The following RBFOX1 variants were observed in gnomAD, a reference collection of about 807,000 sequenced individuals.
RBFOX1 encodes RNA binding protein fox-1 homolog 1.
Under a neutral mutation model 57.7 loss-of-function variants are expected in RBFOX1, and 8 were observed. That is an observed-to-expected ratio of 0.14 (90% CI 0.08 to 0.25). RBFOX1 has a LOEUF of 0.25. Ranked by LOEUF, RBFOX1 falls within the 10% of genes least tolerant of loss-of-function variation. The pLI is 1.00. For missense variants in RBFOX1, 611 were observed against 548.5 expected (o/e 1.11, Z -1.14); for synonymous variants, 326 against 222.4 (o/e 1.47, Z -4.15).
chr16:6,721,561 G>A (rs962140942), intron 3 of RBFOX1, among the ~76,000 whole-genome samples: 4 of 152,120 alleles, frequency 2.6e-5, no homozygotes, highest in African/African-American at 9.7e-5. Flanking sequence ...TAAGATGGAA[G>A]CTTTATGTTT....
intron 3 of RBFOX1, among the ~76,000 whole-genome samples, chr16:6,936,747 C>G (rs1190668312): frequency 6.6e-6 from 1 of 151,894 alleles, no homozygotes; most frequent in East Asian, 1.9e-4. Flanking sequence ...AGGGTAATTC[C>G]ATACTGTATT....
intron 2 of RBFOX1, among the ~76,000 whole-genome samples, chr16:6,618,731 G>T (rs570475338): frequency 2.6e-5 from 4 of 152,182 alleles, no homozygotes; most frequent in Non-Finnish European, 5.9e-5. Flanking sequence ...CCTCACCACA[G>T]TGTCATAAAG....
At chr16:7,542,594 C>G (rs558860201) in intron 5 of RBFOX1, among the ~76,000 whole-genome samples, 2 of 151,682 alleles carry the variant, frequency 1.3e-5, no homozygotes, top group African/African-American at 2.4e-5. Context: ...GTGGCTCACA[C>G]CTGTAATCCC....
At position 5,523,680 on chromosome 16, in the gene RBFOX1, T is replaced by C. The variant is rs183295063; in HGVS notation, c.258+56426T>C. ...AAAAACCTGATACACTGATTTCCTT[T>C]CCTTTGGAAAAATACCCAGTAGTGG... On this transcript the variant is annotated intron_variant, in intron 2 of 2. Coordinates refer to the RBFOX1 transcript ENST00000585867. Among the ~76,000 whole-genome samples, 80 of 152,326 alleles carry C rather than the reference T, an allele frequency of 5.3e-4. 2 individuals carry two copies. The East Asian group carries it at 0.012, about 23-fold the overall frequency.
intron 15 of RBFOX1, chr16:7,710,232 T>C (rs917492739): frequency 5.7e-6 from 6 of 1,054,882 alleles, no homozygotes; most frequent in Middle Eastern, 4.4e-4. Flanking sequence ...TCAACAACTC[T>C]GCTTCAACAC....
At chr16:5,577,706 G>T (rs979678156) in intron 2 of RBFOX1, among the ~76,000 whole-genome samples, 2 of 152,178 alleles carry the variant, frequency 1.3e-5, no homozygotes, top group South Asian at 2.1e-4. Flanking sequence ...CATAGCCCCA[G>T]TGAGGTCTGG....
intron 1 of RBFOX1, among the ~76,000 whole-genome samples, chr16:6,079,452 C>G (rs1385546958): frequency 6.6e-6 from 1 of 152,214 alleles, no homozygotes; most frequent in Non-Finnish European, 1.5e-5. Flanking sequence ...GCTGGGACCA[C>G]ATGTGTGTGC....
chr16:7,647,326 A>C (rs76457367), intron 11 of RBFOX1, among the ~76,000 whole-genome samples: 190 of 152,302 alleles, frequency 1.2e-3, no homozygotes, highest in African/African-American at 4.4e-3. Flanking sequence ...TTATGAGCTG[A>C]ATCCAATTTG....
At chr16:6,724,998 G>A (rs1056351983) in intron 3 of RBFOX1, among the ~76,000 whole-genome samples, 1 of 151,574 alleles carries the variant, frequency 6.6e-6, no homozygotes, top group African/African-American at 2.4e-5. Context: ...TGAGTAATGG[G>A]GACAGCCAGG....
intron 4 of RBFOX1, among the ~76,000 whole-genome samples, chr16:7,174,625 A>G (rs555640648): frequency 6.6e-6 from 1 of 152,154 alleles, no homozygotes; most frequent in East Asian, 1.9e-4. Context: ...TACTAAAAAT[A>G]CAAAATTAGC....
At chr16:7,559,321 C>G (rs1408602540) in intron 5 of RBFOX1, among the ~76,000 whole-genome samples, 2 of 152,138 alleles carry the variant, frequency 1.3e-5, no homozygotes. Context: ...CTCTCAGTCT[C>G]TCTCTTTCTC....
intron 2 of RBFOX1, among the ~76,000 whole-genome samples, chr16:5,591,322 G>A (rs1252411583): frequency 6.7e-6 from 1 of 150,078 alleles, no homozygotes; most frequent in Non-Finnish European, 1.5e-5. Context: ...CATGATTTCA[G>A]CTCACTGCAA....
chr16:7,031,466 C>A (rs1362177818), intron 3 of RBFOX1, among the ~76,000 whole-genome samples: 1 of 151,958 alleles, frequency 6.6e-6, no homozygotes, highest in African/African-American at 2.4e-5. Flanking sequence ...CATGGTGGCA[C>A]ATGCCTGTAG....
At chr16:7,214,175 C>T (rs773145874) in intron 4 of RBFOX1, among the ~76,000 whole-genome samples, 1 of 152,120 alleles carries the variant, frequency 6.6e-6, no homozygotes, top group Non-Finnish European at 1.5e-5. Flanking sequence ...TCTAATGAAG[C>T]CACAGTAGAC....
chr16:7,307,835 C>T (rs1461266989), intron 4 of RBFOX1, among the ~76,000 whole-genome samples: 2 of 152,202 alleles, frequency 1.3e-5, no homozygotes, highest in Non-Finnish European at 2.9e-5. Context: ...CTTGGAGCAA[C>T]TGGCTTCAAT....
At chr16:6,684,183 G>C (rs1033494669) in intron 3 of RBFOX1, among the ~76,000 whole-genome samples, 6 of 152,198 alleles carry the variant, frequency 3.9e-5, no homozygotes, top group Non-Finnish European at 7.3e-5. Context: ...TTAAACGCAA[G>C]GATGTACGCA....
chr16:7,545,554 A>G lies in RBFOX1; in HGVS notation c.270+27165A>G, dbSNP rs915636789. Among the ~76,000 whole-genome samples, 5 of 152,124 alleles carry G rather than the reference A, an allele frequency of 3.3e-5. No individual in the cohort carries two copies. The South Asian group carries it at 1.0e-3, about 32-fold the overall frequency. ...GCCAGACAGGACTGTGCTATTTCTT[A>G]GAGCTTAGGTAGAATGCTACTGCGG... On this transcript the variant is annotated intron_variant, in intron 5 of 15. Transcript: ENST00000550418.
chr16:5,472,259 A>T (rs2069163434), intron 2 of RBFOX1, among the ~76,000 whole-genome samples: 1 of 152,060 alleles, frequency 6.6e-6, no homozygotes, highest in Non-Finnish European at 1.5e-5. Flanking sequence ...AGGCATAGGG[A>T]AGCCTGGGGA....
chr16:7,124,654 T>G (rs1423324556), intron 4 of RBFOX1, among the ~76,000 whole-genome samples: 1 of 150,566 alleles, frequency 6.6e-6, no homozygotes, highest in East Asian at 2.0e-4. Context: ...TCATTTCACA[T>G]TCTACCTAAA....
Sources: gnomAD v4.1 joint callset for allele counts (sites outside exome capture counted in the v4.1 genomes callset) on GRCh38, gnomAD v4.1.1 for gene constraint, MANE v1.5 for transcripts, NCBI Gene and HGNC (gene_info 2026-07-23, HGNC 2026-07-21) for gene names.